Variants in APH1B observed in about 807,000 individuals in gnomAD.
The protein encoded by APH1B is gamma-secretase subunit APH-1B.
Under a neutral mutation model 28.2 loss-of-function variants are expected in APH1B, and 27 were observed. That is an observed-to-expected ratio of 0.96 (90% CI 0.70 to 1.32). The LOEUF (loss-of-function observed/expected upper bound fraction) is 1.32. Ranked by LOEUF, APH1B falls within the 40% of genes most tolerant of loss-of-function variation. The pLI is 0.00. For missense variants in APH1B, 305 were observed against 313.6 expected (o/e 0.97, Z 0.21); for synonymous variants, 141 against 124.6 (o/e 1.13, Z -0.88).
chr15:63,298,273 T>C (rs1247654059), intron 4 of APH1B, among the ~76,000 whole-genome samples: 1 of 152,132 alleles, frequency 6.6e-6, no homozygotes, highest in African/African-American at 2.4e-5. Flanking sequence ...TGCAGTGGTG[T>C]GATGATGGCT....
At chr15:63,283,011 A>G (rs2038405322) in intron 2 of APH1B, among the ~76,000 whole-genome samples, 1 of 152,164 alleles carries the variant, frequency 6.6e-6, no homozygotes, top group Non-Finnish European at 1.5e-5. Context: ...AAATGCAAAC[A>G]AAGAATTTTC....
intron 4 of APH1B, among the ~76,000 whole-genome samples, chr15:63,300,554 C>T (rs767973501): frequency 3.2e-4 from 48 of 152,206 alleles, no homozygotes; most frequent in Non-Finnish European, 6.3e-4. Flanking sequence ...GGTCTCAGCT[C>T]CCCGCCGTCA....
rs2038642281 is a variant in APH1B, at chr15:63,302,443, C to G, written c.577C>G (p.Leu193Val). 1.2e-6 allele frequency: 2 copies of G among 1,613,760 alleles called. No individual in the cohort carries two copies. The highest frequency in any genetic ancestry group is 1.7e-6 in the Non-Finnish European group (2 of 1,179,904). The change falls in exon 5 of 6, where the codon CTC becomes GTC. Residue 193 changes from leucine to valine, a missense_variant. Transcript: ENST00000261879. ...AAAGTGGGGCATCCTCCTTATCGTT[C>G]TCCTGACCCACCTGCTGGTGTCAGC... is the stretch of plus-strand genomic sequence containing the variant. ...KKKWGILLIV[L>V]LTHLLVSAQT...
intron 3 of APH1B, among the ~76,000 whole-genome samples, chr15:63,286,877 T>C (rs923830815): frequency 1.3e-5 from 2 of 152,226 alleles, no homozygotes; most frequent in Non-Finnish European, 2.9e-5. Context: ...AATGTGTATG[T>C]ACCCTAGTTA....
At chr15:63,298,897 T>TAAAAAAAAAA (rs11361217) in intron 4 of APH1B, among the ~76,000 whole-genome samples, 1 of 142,962 alleles carries the variant, frequency 7.0e-6, no homozygotes, top group Non-Finnish European at 1.5e-5. Context: ...GTGTTGAATG[T>TAAAAAAAAAA]AAAAAAAAAA....
chr15:63,291,919 G>A (rs969535274), intron 4 of APH1B: 1 of 152,276 alleles, frequency 6.6e-6, no homozygotes, highest in African/African-American at 2.4e-5. Flanking sequence ...GCCACACAGA[G>A]CCCACCCCAG....
Position 63,302,483 on chromosome 15 carries a change from C to T in APH1B, c.606+11C>T, listed in dbSNP as rs1273887179. ...CTGGTGTCAGCCCAGGTGAGTGTTG[C>T]CGCCATGCTCAGACTGTATTCTGGA... is the stretch of plus-strand genomic sequence containing the variant. On this transcript the variant is annotated intron_variant, in intron 5 of 5. Coordinates refer to ENST00000261879, the MANE Select transcript of APH1B (RefSeq NM_031301.4). The T allele has an allele frequency of 6.2e-7, 1 of 1,611,718 alleles. No individual in the cohort carries two copies. Among genetic ancestry groups the T allele is most frequent in the African/African-American group, 1.3e-5 (1 of 74,958 alleles).
At chr15:63,291,275 G>A (rs184024226) in intron 4 of APH1B, among the ~76,000 whole-genome samples, 3 of 152,168 alleles carry the variant, frequency 2.0e-5, no homozygotes, top group Admixed American at 6.5e-5. Context: ...TTTTCATTCC[G>A]AATTACCTCC....
chr15:63,302,907 A>C (rs1411913018), intron 5 of APH1B, among the ~76,000 whole-genome samples: 1 of 152,160 alleles, frequency 6.6e-6, no homozygotes, highest in Non-Finnish European at 1.5e-5. Context: ...TATGATAATC[A>C]AGGATGGGGC....
chr15:63,298,072 T>TGG (rs2038586545), intron 4 of APH1B, among the ~76,000 whole-genome samples: 1 of 152,214 alleles, frequency 6.6e-6, no homozygotes, highest in Non-Finnish European at 1.5e-5. Context: ...AGAAAGTGCC[T>TGG]GGCCCATGCT....
chr15:63,278,338 C>T (rs891208816), intron 1 of APH1B: 1 of 456,604 alleles, frequency 2.2e-6, no homozygotes, highest in East Asian at 6.9e-5. Flanking sequence ...GACTGTGCGT[C>T]TCCTTCTGGG....
Position 63,302,348 on chromosome 15 carries a change from T to G in APH1B, c.482T>G (p.Phe161Cys). Reference protein sequence around the residue: ...DSPQFFLYSAFMTLVIILLHV... With the variant: ...DSPQFFLYSACMTLVIILLHV... ...CTAATGGTCGGCTCTCTTTCAGCTT[T>G]CATGACGCTGGTCATTATCTTGCTG... Residue 161 changes from phenylalanine (F) to cysteine (C), a missense_variant, in exon 5 of 6, where the codon TTC becomes TGC. Coordinates refer to ENST00000261879, the MANE Select transcript of APH1B (RefSeq NM_031301.4). The G allele has an allele frequency of 6.2e-7, 1 of 1,613,960 alleles. No individual in the cohort carries two copies.
chr15:63,288,980 G>A (rs1240385221), intron 4 of APH1B, among the ~76,000 whole-genome samples: 1 of 152,094 alleles, frequency 6.6e-6, no homozygotes, highest in Admixed American at 6.6e-5. Flanking sequence ...TCACTAGATG[G>A]TGCTAATTCC....
At chr15:63,286,530 C>G in intron 2 of APH1B, 28 bp from the exon 3 acceptor site, 27 of 990,496 alleles carry the variant, frequency 2.7e-5, no homozygotes, top group East Asian at 3.3e-5. Context: ...TTTTTTTCTT[C>G]TTAATTACAT....
At chr15:63,302,852 TATTTAATA>T (rs2038647186) in intron 5 of APH1B, among the ~76,000 whole-genome samples, 1 of 152,214 alleles carries the variant, frequency 6.6e-6, no homozygotes, top group Admixed American at 6.5e-5. Context: ...TAGCATATTT[TATTTAATA>T]TAGTTTTTAT....
chr15:63,305,903 G>T lies in APH1B; in HGVS notation c.*122G>T. 1 of 1,300,840 alleles carries T rather than the reference G, an allele frequency of 7.7e-7. No homozygotes were observed. The allele number at this position is 1,300,840 out of a possible 1,614,324, so 80.6% of individuals were successfully genotyped here. ...GAAAGAAATAAAACTATGCAGATATGCGTTCCATTCACTTGGCTTTCACAC... is the reference window on the plus strand; with the variant it reads ...GAAAGAAATAAAACTATGCAGATATTCGTTCCATTCACTTGGCTTTCACAC... On this transcript the variant is annotated 3_prime_UTR_variant, in exon 6 of 6. Transcript: ENST00000261879.
chr15:63,287,290 GC>G (rs2038457519), intron 3 of APH1B, 133 bp from the exon 4 acceptor site: 2 of 1,240,138 alleles, frequency 1.6e-6, no homozygotes, highest in Non-Finnish European at 2.2e-6. Context: ...CCTCTCCAGA[GC>G]CAGCTGTCCA....
At chr15:63,298,944 G>A (rs1027184237) in intron 4 of APH1B, among the ~76,000 whole-genome samples, 2 of 151,964 alleles carry the variant, frequency 1.3e-5, no homozygotes, top group African/African-American at 4.8e-5. Flanking sequence ...AATAATTTAC[G>A]GAGGAGAGGT....
At chr15:63,299,631 C>T (rs2038603417) in intron 4 of APH1B, among the ~76,000 whole-genome samples, 1 of 152,044 alleles carries the variant, frequency 6.6e-6, no homozygotes, top group East Asian at 1.9e-4. Context: ...GTCTCGATCT[C>T]CTGACCTCGT....
Sources: gnomAD v4.1 joint callset for allele counts (sites outside exome capture counted in the v4.1 genomes callset) on GRCh38, gnomAD v4.1.1 for gene constraint, MANE v1.5 for transcripts, NCBI Gene and HGNC (gene_info 2026-07-23, HGNC 2026-07-21) for gene names.